ZNF385B: variants seen among roughly 807,000 people sequenced by gnomAD.
ZNF385B encodes zinc finger protein 385B, also known as zinc finger protein 533.
ZNF385B carries 23 observed loss-of-function variants against 39.2 expected under a neutral mutation model. The ratio of observed to expected loss-of-function variants is 0.59; its 90% CI spans 0.42 to 0.83. The LOEUF is 0.83. Among genes scored for constraint, ZNF385B ranks in the 40% least tolerant of loss-of-function variants. The probability of loss-of-function intolerance (pLI) is 0.00; values close to 1 mark genes in which losing one functional copy is unlikely to be tolerated. For synonymous variants in ZNF385B, 205 were observed against 222.6 expected (o/e 0.92, Z 0.70); for missense variants, 552 against 598.9 (o/e 0.92, Z 0.82).
intron 3 of ZNF385B, among the ~76,000 whole-genome samples, chr2:179,575,702 A>C (rs1030914096): frequency 3.9e-5 from 6 of 152,142 alleles, no homozygotes; most frequent in Non-Finnish European, 8.8e-5. Flanking sequence ...GGGAGGAAAG[A>C]ATTAATATAG....
chr2:179,575,693 G>A (rs1202724256), intron 3 of ZNF385B, among the ~76,000 whole-genome samples: 3 of 152,020 alleles, frequency 2.0e-5, no homozygotes, highest in Non-Finnish European at 2.9e-5. Context: ...AAAGCAAAAG[G>A]GAGGAAAGAA....
intron 3 of ZNF385B, among the ~76,000 whole-genome samples, chr2:179,719,929 C>T (rs1168368307): frequency 2.0e-5 from 3 of 152,158 alleles, no homozygotes; most frequent in Non-Finnish European, 4.4e-5. Flanking sequence ...TCCAAGGAAG[C>T]TGAGGTTATG....
intron 6 of ZNF385B, among the ~76,000 whole-genome samples, chr2:179,473,022 C>T (rs2052963422): frequency 6.6e-6 from 1 of 152,158 alleles, no homozygotes; most frequent in Non-Finnish European, 1.5e-5. Context: ...CTCTTGCATG[C>T]CACTTAATGA....
At chr2:179,500,210 A>G (rs2056629847) in intron 5 of ZNF385B, among the ~76,000 whole-genome samples, 1 of 152,084 alleles carries the variant, frequency 6.6e-6, no homozygotes, top group Admixed American at 6.6e-5. Context: ...TACTACCCAA[A>G]GCAATCTACA....
At position 179,653,285 on chromosome 2, in the gene ZNF385B, C is replaced by T. The variant is rs149247476; in HGVS notation, c.299-108316G>A. Among the ~76,000 whole-genome samples the T allele has an allele frequency of 1.5e-3, 232 of 152,268 alleles. 1 individual carries two copies. Among genetic ancestry groups the T allele is most frequent in the African/African-American group, 4.9e-3 (203 of 41,558 alleles). On this transcript the variant is annotated intron_variant, in intron 3 of 9. Coordinates refer to ENST00000410066, the MANE Select transcript of ZNF385B (RefSeq NM_152520.6). ...CCAATAGATCTCCCTCACTAGACCC[C>T]GTGCACTACTGCTGCACAGAAGAAG...
chr2:179,848,776 C>T (rs1436411650), intron 1 of ZNF385B, among the ~76,000 whole-genome samples: 1 of 152,152 alleles, frequency 6.6e-6, no homozygotes, highest in East Asian at 1.9e-4. Flanking sequence ...CCTTGACTGT[C>T]CTCTACTAAG....
chr2:179,846,859 C>G (rs1708825966), intron 1 of ZNF385B, among the ~76,000 whole-genome samples: 1 of 152,228 alleles, frequency 6.6e-6, no homozygotes, highest in Non-Finnish European at 1.5e-5. Context: ...GACCATGCTC[C>G]TCAGTGAGAC....
intron 4 of ZNF385B, among the ~76,000 whole-genome samples, chr2:179,533,874 C>T (rs772341758): frequency 4.6e-5 from 7 of 152,148 alleles, no homozygotes; most frequent in Non-Finnish European, 4.4e-5. Context: ...TACTCTATGA[C>T]AATGTATCAT....
intron 6 of ZNF385B, among the ~76,000 whole-genome samples, chr2:179,451,521 G>A (rs1412840637): frequency 2.0e-5 from 3 of 151,966 alleles, no homozygotes; most frequent in Non-Finnish European, 4.4e-5. Context: ...TGTATAGTAT[G>A]TTTAACACTT....
At chr2:179,696,326 C>CTTTATTTTTT (rs1698744523) in intron 3 of ZNF385B, among the ~76,000 whole-genome samples, 1 of 40,354 alleles carries the variant, frequency 2.5e-5, no homozygotes, top group African/African-American at 1.0e-4. Flanking sequence ...CAAACTGGGA[C>CTTTATTTTTT]TTTTTTTTTT....
chr2:179,674,352 A>G (rs1696460047), intron 3 of ZNF385B, among the ~76,000 whole-genome samples: 1 of 152,304 alleles, frequency 6.6e-6, no homozygotes, highest in Admixed American at 6.5e-5. Context: ...GACTGTAGTA[A>G]AAATACATTG....
chr2:179,745,789 CT>C (rs1227466198), intron 3 of ZNF385B: 2 of 1,520,928 alleles, frequency 1.3e-6, no homozygotes, highest in Non-Finnish European at 1.8e-6. Flanking sequence ...ATAAACAAAA[CT>C]TCCAGTATGT....
chr2:179,696,668 G>A (rs555445771), intron 3 of ZNF385B, among the ~76,000 whole-genome samples: 81 of 152,092 alleles, frequency 5.3e-4, no homozygotes, highest in Middle Eastern at 3.4e-3. Context: ...TGTGCTTAGA[G>A]TACACACAAA....
At chr2:179,564,190 C>G (rs970957500) in intron 3 of ZNF385B, among the ~76,000 whole-genome samples, 2 of 152,066 alleles carry the variant, frequency 1.3e-5, no homozygotes, top group African/African-American at 2.4e-5. Context: ...TTAGCCAGCC[C>G]CCTACATGAC....
In ZNF385B at chr2:179,729,158, T is replaced by C. The variant is rs572754136; in HGVS notation, c.298+40345A>G. The stretch of plus-strand genomic sequence containing the variant: ...AAAAAAAAAAAAAAACCAAGGAAAT[T>C]AACTTTCTTTTTAGTTCCAGTTCCC... On this transcript the variant is annotated intron_variant, in intron 3 of 9. Coordinates refer to ENST00000410066, the MANE Select transcript of ZNF385B (RefSeq NM_152520.6). Among the ~76,000 whole-genome samples the C allele has an allele frequency of 5.4e-5, 8 of 146,834 alleles. No individual in the cohort carries two copies. In the East Asian group the frequency reaches 1.6e-3, roughly 29 times the overall value.
At chr2:179,743,998 A>G (rs958210508) in intron 3 of ZNF385B, among the ~76,000 whole-genome samples, 11 of 152,110 alleles carry the variant, frequency 7.2e-5, no homozygotes, top group African/African-American at 2.7e-4. Flanking sequence ...CCTCTCTCCA[A>G]CAGTGCTCTA....
intron 1 of ZNF385B, among the ~76,000 whole-genome samples, chr2:179,817,234 T>C (rs1030380710): frequency 4.6e-5 from 7 of 152,198 alleles, no homozygotes; most frequent in Non-Finnish European, 8.8e-5. Flanking sequence ...TAACTGAAAG[T>C]AGCACAAAGT....
chr2:179,625,263 G>C (rs1207640495), intron 3 of ZNF385B, among the ~76,000 whole-genome samples: 1 of 152,034 alleles, frequency 6.6e-6, no homozygotes, highest in Non-Finnish European at 1.5e-5. Flanking sequence ...CTGATATGCA[G>C]TCTTTATCAC....
chr2:179,443,097 T>C lies in ZNF385B; in HGVS notation c.*153A>G, dbSNP rs2049105913. ...CTAAAAGCCCTCGTCAATCTAGTGA[T>C]GTGTTTCTCTCTGGAATTGGGGGAC... is the stretch of plus-strand genomic sequence containing the variant. On this transcript the variant is annotated 3_prime_UTR_variant, in exon 10 of 10. Coordinates refer to ENST00000410066, the MANE Select transcript of ZNF385B (RefSeq NM_152520.6). 3 of 800,450 alleles carry C rather than the reference T, an allele frequency of 3.7e-6. No homozygotes were observed. The highest frequency in any genetic ancestry group is 6.3e-6 in the Non-Finnish European group (3 of 475,180). 49.6% of individuals were successfully genotyped at this position (800,450 alleles called of 1,614,324 possible). A position where few individuals can be genotyped will look rare whatever the true frequency, so the allele number is the denominator to read the frequency against.
Sources: allele counts gnomAD v4.1 joint callset (sites outside exome capture counted in the v4.1 genomes callset), GRCh38; gene constraint gnomAD v4.1.1; transcripts MANE v1.5; gene names NCBI Gene and HGNC (gene_info 2026-07-23, HGNC 2026-07-21).